Variants in KCNG4 observed in about 807,000 individuals in gnomAD.
KCNG4 encodes the protein voltage-gated potassium channel regulatory subunit KCNG4.
Under a neutral mutation model 28.2 loss-of-function variants are expected in KCNG4, and 30 were observed. That is an observed-to-expected ratio of 1.06 (90% confidence interval 0.80 to 1.44). The LOEUF (loss-of-function observed/expected upper bound fraction) is 1.44. KCNG4 is among the 40% of genes most tolerant of loss of function. The probability of loss-of-function intolerance (pLI) is 0.00; values close to 1 mark genes in which losing one functional copy is unlikely to be tolerated. For synonymous variants in KCNG4, 375 were observed against 315.5 expected (o/e 1.19, Z -2.00); for missense variants, 879 against 712.3 (o/e 1.23, Z -2.66).
At chr16:84,228,910 G>A (rs1283829352) in intron 2 of KCNG4, among the ~76,000 whole-genome samples, 1 of 152,228 alleles carries the variant, frequency 6.6e-6, no homozygotes, top group Admixed American at 6.5e-5. Context: ...CATGCCCTGT[G>A]GCTGATCCAT....
chr16:84,235,043 CAGG>C (rs1199788507), intron 2 of KCNG4, among the ~76,000 whole-genome samples: 1 of 152,152 alleles, frequency 6.6e-6, no homozygotes, highest in Non-Finnish European at 1.5e-5. Context: ...TCTCTTGTCC[CAGG>C]AGGAGACGTG....
intron 2 of KCNG4, among the ~76,000 whole-genome samples, chr16:84,230,987 G>A (rs1904814611): frequency 6.6e-6 from 1 of 152,232 alleles, no homozygotes; most frequent in Admixed American, 6.5e-5. Context: ...ACTGGAAGGG[G>A]ATGGAGAGGA....
chr16:84,230,959 G>C (rs1213582867), intron 2 of KCNG4, among the ~76,000 whole-genome samples: 1 of 152,232 alleles, frequency 6.6e-6, no homozygotes, highest in Non-Finnish European at 1.5e-5. Flanking sequence ...CCGGAGCAGA[G>C]GAGGAATGAG....
At chr16:84,223,879 G>T (rs1904635910) in intron 2 of KCNG4, among the ~76,000 whole-genome samples, 1 of 152,166 alleles carries the variant, frequency 6.6e-6, no homozygotes, top group South Asian at 2.1e-4. Context: ...TTGAAGGCTG[G>T]TGGGGCAGAG....
intron 2 of KCNG4, among the ~76,000 whole-genome samples, chr16:84,223,827 G>A (rs538692418): frequency 2.0e-5 from 3 of 152,218 alleles, no homozygotes; most frequent in African/African-American, 4.8e-5. Context: ...TTCTAACCCC[G>A]GGCATTCTGT....
At chr16:84,233,410 T>C (rs898634595) in intron 2 of KCNG4, among the ~76,000 whole-genome samples, 1 of 152,120 alleles carries the variant, frequency 6.6e-6, no homozygotes, top group African/African-American at 2.4e-5. Flanking sequence ...TGGCCCAGAA[T>C]TGAAAGTTAG....
rs517731 is a variant in KCNG4, at chr16:84,226,547, C to T, written c.757-3527G>A. On this transcript the variant is annotated intron_variant, in intron 2 of 2. Coordinates refer to ENST00000308251, the MANE Select transcript of KCNG4 (RefSeq NM_172347.3). This position sits in a 1 kb window ranked among gnomAD's most constrained non-coding sequence, Gnocchi z 4.1. Reference sequence around the variant, plus strand: ...ATAGTAACAAATGATTATAAGTGATCTGAGGTGGAGAGGGGATGGAAAGAG... The same window carrying T: ...ATAGTAACAAATGATTATAAGTGATTTGAGGTGGAGAGGGGATGGAAAGAG... Among the ~76,000 whole-genome samples, 98,545 of 151,334 alleles carry T rather than the reference C, an allele frequency of 0.65. 32,524 individuals are homozygous for T. Among genetic ancestry groups the T allele is most frequent in the Middle Eastern group, 0.73 (215 of 294 alleles).
chr16:84,231,595 A>C (rs1904829111), intron 2 of KCNG4, among the ~76,000 whole-genome samples: 1 of 152,176 alleles, frequency 6.6e-6, no homozygotes, highest in Non-Finnish European at 1.5e-5. Context: ...CAGGGCTGGA[A>C]GGGCACTAGG....
Position 84,221,927 on chromosome 16 carries a change from G to A in KCNG4, c.*290C>T. On this transcript the variant is annotated 3_prime_UTR_variant, in exon 3 of 3. Transcript: ENST00000308251. The stretch of plus-strand genomic sequence containing the variant: ...GGGATGTTAAAGCCTCTGCTGGGAA[G>A]GAAAAGAGAATGAAAGGAGACTGAG... 2.4e-6 allele frequency: 1 copy of A among 419,972 alleles called. No individual in the cohort carries two copies. Among genetic ancestry groups the A allele is most frequent in the South Asian group, 3.3e-5 (1 of 30,484 alleles). The allele number at this position is 419,972 out of a possible 1,614,324, so 26.0% of individuals were successfully genotyped here.
At position 84,223,461 on chromosome 16, in the gene KCNG4, A is replaced by G. The variant is rs111297710; in HGVS notation, c.757-441T>C. On this transcript the variant is annotated intron_variant, in intron 2 of 2. Coordinates refer to ENST00000308251, the MANE Select transcript of KCNG4 (RefSeq NM_172347.3). Reference sequence around the variant, plus strand: ...TTGTCGATACTCACCTACATCCCTCACCTTGGGACTATTGCACAAGAGAAA... The same window carrying G: ...TTGTCGATACTCACCTACATCCCTCGCCTTGGGACTATTGCACAAGAGAAA... 5.1e-3 allele frequency among the ~76,000 whole-genome samples: 770 copies of G among 152,132 alleles called. 7 individuals carry two copies. Among genetic ancestry groups the G allele is most frequent in the African/African-American group, 0.017 (724 of 41,514 alleles).
intron 2 of KCNG4, among the ~76,000 whole-genome samples, chr16:84,234,696 G>A (rs183788367): frequency 6.6e-6 from 1 of 152,264 alleles, no homozygotes; most frequent in Non-Finnish European, 1.5e-5. Flanking sequence ...TGGTATCAGG[G>A]TCAATTTACA....
chr16:84,236,857 A>C lies in KCNG4; in HGVS notation c.629T>G (p.Met210Arg), dbSNP rs1904966652. The C allele has an allele frequency of 1.2e-6, 2 of 1,613,470 alleles. No individual in the cohort carries two copies. The highest frequency in any genetic ancestry group is 1.3e-5 in the African/African-American group (1 of 74,952). ...CAGCCCGGACTGCGGGTTTTCCACC[A>C]TCTCGCGCAGCCGGTTCATGCACAG... is the stretch of plus-strand genomic sequence containing the variant. ...WGLCMNRLRE[M>R]VENPQSGLPG... The change falls in exon 2 of 3, where the codon ATG (methionine) becomes AGG (arginine). Residue 210 changes from methionine to arginine, a missense_variant. Met to Arg is a moderately conservative substitution (Grantham distance 91, BLOSUM62 -1). Transcript: ENST00000308251.
At chr16:84,234,399 A>G (rs1217394013) in intron 2 of KCNG4, among the ~76,000 whole-genome samples, 2 of 151,794 alleles carry the variant, frequency 1.3e-5, no homozygotes, top group Non-Finnish European at 2.9e-5. Flanking sequence ...GGCTGATCTC[A>G]AACTCCTGAC....
At chr16:84,237,839 C>T (rs1905013259) in intron 1 of KCNG4, among the ~76,000 whole-genome samples, 2 of 152,198 alleles carry the variant, frequency 1.3e-5, no homozygotes, top group Non-Finnish European at 2.9e-5. Context: ...AGCGGTGCCA[C>T]TTCTGGGCTC....
chr16:84,222,991 A>C lies in KCNG4; in HGVS notation c.786T>G (p.Ile262Met), dbSNP rs762083136. 2 of 1,539,296 alleles carry C rather than the reference A, an allele frequency of 1.3e-6. No individual in the cohort carries two copies. Among genetic ancestry groups the C allele is most frequent in the Non-Finnish European group, 1.8e-6 (2 of 1,142,090 alleles). Residue 262 changes from isoleucine to methionine, a missense_variant, in exon 3 of 3, where the codon ATT (isoleucine) becomes ATG (methionine). Ile to Met is a conservative substitution (Grantham distance 10). Transcript: ENST00000308251. ...CCACGCAGATGGTCTCCACGATGAA[A>C]ATATAGTAGCACTTCCGAGAGCATT... ...QGECSRKCYY[I>M]FIVETICVAW...
rs1904574381 is a variant in KCNG4 at position 84,222,039 on chromosome 16, G to A, written c.*178C>T. The A allele has an allele frequency of 1.4e-6, 1 of 702,228 alleles. No homozygotes were observed. Among genetic ancestry groups the A allele is most frequent in the Admixed American group, 2.8e-5 (1 of 36,290 alleles). The allele number at this position is 702,228 out of a possible 1,614,324, so 43.5% of individuals were successfully genotyped here. On this transcript the variant is annotated 3_prime_UTR_variant, in exon 3 of 3. Transcript: ENST00000308251. ...TGGACACAGTCAGCCTGGGACATCG[G>A]GGCCCCGAGGGACAAGGATCACAGA... is the stretch of plus-strand genomic sequence containing the variant.
chr16:84,224,642 G>A (rs1279474087), intron 2 of KCNG4, among the ~76,000 whole-genome samples: 4 of 152,156 alleles, frequency 2.6e-5, no homozygotes, highest in East Asian at 1.9e-4. Context: ...ACTGAACCAC[G>A]ACAGTCTCTA....
At position 84,239,273 on chromosome 16, in the gene KCNG4, C is replaced by G. The variant is rs117648764; in HGVS notation, c.-41+397G>C. On this transcript the variant is annotated intron_variant, in intron 1 of 2. Coordinates refer to ENST00000308251, the MANE Select transcript of KCNG4 (RefSeq NM_172347.3). ...GCATTACTTTGCTCACAGGGAATGG[C>G]CAGAGGAGGATGAGGAGCCTGCAGA... Among the ~76,000 whole-genome samples the G allele has an allele frequency of 1.2e-4, 18 of 152,290 alleles. No homozygotes were observed. The East Asian group carries it at 3.1e-3, about 26-fold the overall frequency.
At chr16:84,223,947 C>A (rs941106229) in intron 2 of KCNG4, among the ~76,000 whole-genome samples, 6 of 152,244 alleles carry the variant, frequency 3.9e-5, no homozygotes, top group Middle Eastern at 3.4e-3. Flanking sequence ...CATCGACATG[C>A]GGGATTCTAG....
Sources: allele counts gnomAD v4.1 joint callset (sites outside exome capture counted in the v4.1 genomes callset), GRCh38; gene constraint gnomAD v4.1.1; non-coding constraint Gnocchi (gnomAD v3.1); transcripts MANE v1.5; gene names NCBI Gene and HGNC (gene_info 2026-07-23, HGNC 2026-07-21).